FER1L6: variants seen among roughly 807,000 people sequenced by gnomAD.
FER1L6 encodes fer-1-like protein 6.
Under a neutral mutation model 219.2 loss-of-function variants are expected in FER1L6, and 177 were observed. The observed-to-expected ratio is 0.81, with a 90% CI of 0.71 to 0.91. The LOEUF is 0.91. FER1L6 is among the 40% of genes least tolerant of loss of function. The pLI, the probability that FER1L6 is intolerant of heterozygous loss-of-function variation, is 0.00. For missense variants in FER1L6, 2,153 were observed against 2,259.9 expected, an observed-to-expected ratio of 0.95 and a Z score of 0.96; for synonymous variants, 768 against 824.3, an observed-to-expected ratio of 0.93 and a Z score of 1.17.
intron 33 of FER1L6, among the ~76,000 whole-genome samples, chr8:124,086,395 A>C (rs1356554016): frequency 6.0e-5 from 9 of 151,048 alleles, no homozygotes; most frequent in Non-Finnish European, 1.2e-4. Context: ...ATGAGGCTTG[A>C]AAATAATATA....
At chr8:123,922,361 G>A (rs1233591738) in intron 1 of FER1L6, among the ~76,000 whole-genome samples, 1 of 152,204 alleles carries the variant, frequency 6.6e-6, no homozygotes, top group Non-Finnish European at 1.5e-5. Context: ...TGAGTCACTG[G>A]AGGAAACAGG....
intron 1 of FER1L6, among the ~76,000 whole-genome samples, chr8:123,883,343 A>T (rs1817144210): frequency 6.6e-6 from 1 of 152,230 alleles, no homozygotes; most frequent in African/African-American, 2.4e-5. Flanking sequence ...GGGGCAAAAA[A>T]GCATTGGCAT....
chr8:123,964,583 T>C (rs978302927), intron 3 of FER1L6, among the ~76,000 whole-genome samples: 1 of 152,224 alleles, frequency 6.6e-6, no homozygotes, highest in African/African-American at 2.4e-5. Flanking sequence ...TCTACCCTAG[T>C]CTCTGAATAG....
At chr8:124,110,300 A>C (rs767286269) in intron 39 of FER1L6, among the ~76,000 whole-genome samples, 1 of 152,224 alleles carries the variant, frequency 6.6e-6, no homozygotes, top group African/African-American at 2.4e-5. Flanking sequence ...AATTTTATAG[A>C]GAAGGAAGCT....
intron 13 of FER1L6, among the ~76,000 whole-genome samples, chr8:124,007,689 C>T (rs931908224): frequency 4.6e-5 from 7 of 152,184 alleles, no homozygotes; most frequent in Non-Finnish European, 8.8e-5. Flanking sequence ...TGCTATCCTC[C>T]TCTTGCCATT....
At chr8:123,968,566 A>G (rs1316724551) in intron 5 of FER1L6, among the ~76,000 whole-genome samples, 1 of 152,266 alleles carries the variant, frequency 6.6e-6, no homozygotes, top group Admixed American at 6.5e-5. Context: ...AAGCCACAGC[A>G]TCTGGTGTAT....
At chr8:123,920,913 T>C (rs1813341403) in intron 1 of FER1L6, among the ~76,000 whole-genome samples, 1 of 152,224 alleles carries the variant, frequency 6.6e-6, no homozygotes, top group African/African-American at 2.4e-5. Flanking sequence ...TGACTACCTA[T>C]ACTACTCATA....
rs185068383 is a variant in FER1L6 at position 123,924,195 on chromosome 8, A to G, written c.-7-31797A>G. Among the ~76,000 whole-genome samples the G allele has an allele frequency of 3.3e-3, 444 of 134,826 alleles. 2 individuals carry two copies. The highest frequency in any genetic ancestry group is 0.012 in the African/African-American group (432 of 36,032). The allele number at this position is 134,826 out of a possible 152,430, so 88.5% of individuals were successfully genotyped here. On this transcript the variant is annotated intron_variant, in intron 1 of 40. Transcript: ENST00000522917. ...GGTTGCAGTGAACTGAGATCGAGCC[A>G]CTGCACTCCAGCTTGGGTGACAGAG...
rs114434308 is a variant in FER1L6, at chr8:123,910,550, A to G, written c.-7-45442A>G. Among the ~76,000 whole-genome samples the G allele has an allele frequency of 3.9e-3, 601 of 152,336 alleles. 3 individuals are homozygous for G. Among genetic ancestry groups the G allele is most frequent in the African/African-American group, 0.014 (562 of 41,574 alleles). On this transcript the variant is annotated intron_variant, in intron 1 of 40. Coordinates refer to ENST00000522917, the MANE Select transcript of FER1L6 (RefSeq NM_001039112.2). ...ATAATTTCATTCAGTGGAAATCCTT[A>G]AAATACTTCATCCCTCACTTGAGTT...
intron 1 of FER1L6, among the ~76,000 whole-genome samples, chr8:123,907,714 G>A (rs1812978394): frequency 6.7e-6 from 1 of 148,224 alleles, no homozygotes; most frequent in Non-Finnish European, 1.5e-5. Context: ...GAGGCCTTCA[G>A]GGAAGCTCTC....
intron 15 of FER1L6, 62 bp from the exon 16 acceptor site, chr8:124,017,566 C>T: frequency 1.5e-6 from 2 of 1,303,720 alleles, no homozygotes. Context: ...TTGCAAACCT[C>T]TGGAATTATA....
At chr8:123,975,676 G>A (rs567000101) in intron 8 of FER1L6, among the ~76,000 whole-genome samples, 2 of 152,324 alleles carry the variant, frequency 1.3e-5, no homozygotes, top group East Asian at 1.9e-4. Context: ...GTGGGAGACA[G>A]TATTTATCCT....
chr8:124,063,783 G>A (rs1820701046), intron 25 of FER1L6, among the ~76,000 whole-genome samples: 1 of 152,178 alleles, frequency 6.6e-6, no homozygotes, highest in African/African-American at 2.4e-5. Flanking sequence ...GTTCCTGAGT[G>A]CTGACTCCTA....
At chr8:123,871,454 C>T (rs183815230) in intron 1 of FER1L6, among the ~76,000 whole-genome samples, 30 of 152,196 alleles carry the variant, frequency 2.0e-4, no homozygotes, top group Admixed American at 1.7e-3. Flanking sequence ...TAAACACCAA[C>T]CCCCTGCCCA....
chr8:123,886,767 G>A (rs1330129243), intron 1 of FER1L6, among the ~76,000 whole-genome samples: 3 of 152,132 alleles, frequency 2.0e-5, no homozygotes, highest in African/African-American at 7.2e-5. Flanking sequence ...TATGTATATA[G>A]CCAGGCATTG....
At chr8:124,006,410 T>C (rs749783048) in intron 13 of FER1L6, among the ~76,000 whole-genome samples, 15 of 152,214 alleles carry the variant, frequency 9.9e-5, no homozygotes, top group Non-Finnish European at 2.2e-4. Flanking sequence ...TCAGTCACCA[T>C]ATTGAGGCTC....
At chr8:124,051,143 T>G (rs748332360) in intron 22 of FER1L6, among the ~76,000 whole-genome samples, 1 of 152,114 alleles carries the variant, frequency 6.6e-6, no homozygotes, top group Non-Finnish European at 1.5e-5. Flanking sequence ...AAAAGAGAGA[T>G]AACCTCTCCC....
At chr8:124,092,959 G>GATTACAGGC (rs1586326775) in intron 34 of FER1L6, among the ~76,000 whole-genome samples, 2 of 151,780 alleles carry the variant, frequency 1.3e-5, no homozygotes, top group East Asian at 3.9e-4. Context: ...GGGTAGCTGG[G>GATTACAGGC]ATTACAGGCA....
chr8:124,080,563 C>G (rs1213441869), intron 32 of FER1L6, among the ~76,000 whole-genome samples: 1 of 152,188 alleles, frequency 6.6e-6, no homozygotes, highest in Non-Finnish European at 1.5e-5. Context: ...AGTGATCCAC[C>G]TGCCTCGGCC....
Sources: gnomAD v4.1 joint callset for allele counts (sites outside exome capture counted in the v4.1 genomes callset) on GRCh38, gnomAD v4.1.1 for gene constraint, MANE v1.5 for transcripts, NCBI Gene and HGNC (gene_info 2026-07-23, HGNC 2026-07-21) for gene names.